Variants in SHLD1 observed in about 807,000 individuals in gnomAD.
SHLD1 encodes RINN1-REV7-interacting novel NHEJ regulator 3.
A neutral mutation model predicts 5.5 loss-of-function variants in SHLD1; 3 were observed. That is an observed-to-expected ratio of 0.54 (90% confidence interval 0.25 to 1.40). The LOEUF is 1.40. Ranked by LOEUF, SHLD1 falls within the 40% of genes most tolerant of loss-of-function variation. The probability of loss-of-function intolerance (pLI) is 0.15; values close to 1 mark genes in which losing one functional copy is unlikely to be tolerated. For synonymous variants in SHLD1, 92 were observed against 94.3 expected, an observed-to-expected ratio of 0.98 and a Z score of 0.14; for missense variants, 210 against 244.4, an observed-to-expected ratio of 0.86 and a Z score of 0.94.
rs1472050826 is a variant in SHLD1 at position 5,863,111 on chromosome 20, A to G, written c.266A>G (p.Lys89Arg). Reference protein sequence around the residue: ...LDPAVKGQSEKEEDDGLRKSL... With the variant: ...LDPAVKGQSEREEDDGLRKSL... ...CCTGCTGTGAAAGGCCAGTCAGAGAAGGAAGAGGATGATGGCCTTCGGAAA... is the reference window on the plus strand; with the variant it reads ...CCTGCTGTGAAAGGCCAGTCAGAGAGGGAAGAGGATGATGGCCTTCGGAAA... Residue 89 changes from lysine (K) to arginine (R), a missense_variant, in exon 3 of 3, where the codon AAG (lysine) becomes AGG (arginine). By Grantham distance (26) the Lys-to-Arg change is conservative. Transcript: ENST00000303142. The G allele has an allele frequency of 5.6e-6, 9 of 1,614,108 alleles. No individual in the cohort carries two copies. The highest frequency in any genetic ancestry group is 7.6e-6 in the Non-Finnish European group (9 of 1,180,038).
intron 1 of SHLD1, chr20:5,756,580 AATG>A (rs1357866933): frequency 1.3e-5 from 2 of 156,270 alleles, no homozygotes; most frequent in African/African-American, 4.8e-5. Flanking sequence ...CATAAATATG[AATG>A]ATTTTTCTGC....
intron 2 of SHLD1, among the ~76,000 whole-genome samples, chr20:5,840,402 A>G (rs1415897177): frequency 2.6e-5 from 4 of 152,176 alleles, no homozygotes; most frequent in South Asian, 2.1e-4. Flanking sequence ...TTTGTTAACT[A>G]AATGCATTTC....
At chr20:5,798,605 C>G (rs1313942782) in intron 2 of SHLD1, among the ~76,000 whole-genome samples, 1 of 130,860 alleles carries the variant, frequency 7.6e-6, no homozygotes, top group East Asian at 2.5e-4. Flanking sequence ...CCTGGCCTAA[C>G]ATTTTAGTTT....
rs1253219823 is a variant in SHLD1 at position 5,818,069 on chromosome 20, CTTTT to C, written c.179-44953_179-44950del. Among the ~76,000 whole-genome samples the C allele has an allele frequency of 3.3e-5, 5 of 151,828 alleles. No individual in the cohort carries two copies. In the East Asian group the frequency reaches 7.7e-4, roughly 23 times the overall value. ...TTTCTTTTCTTTTTCTCCTTTTTTT[CTTTT>C]TCTTTCTTTTTTTTATTTTTTTATT... On this transcript the variant is annotated intron_variant, in intron 2 of 2. Transcript: ENST00000303142.
At chr20:5,780,109 G>T (rs771942055) in intron 2 of SHLD1, among the ~76,000 whole-genome samples, 3 of 150,130 alleles carry the variant, frequency 2.0e-5, no homozygotes, top group Non-Finnish European at 2.9e-5. Context: ...CTCCCTAGTA[G>T]CTGGGATTAC....
chr20:5,863,264 A>T lies in SHLD1; in HGVS notation c.419A>T (p.Tyr140Phe), dbSNP rs2088187388. The part of the protein sequence containing the change: ...TQLRGQESQK[Y>F]ALRSFQMARV... ...CTAAGAGGCCAGGAGAGCCAAAAGT[A>T]TGCCCTCCGCAGTTTTCAAATGGCC... is the stretch of plus-strand genomic sequence containing the variant. Residue 140 changes from tyrosine (Y) to phenylalanine (F), a missense_variant, in exon 3 of 3, where the codon TAT (tyrosine) becomes TTT (phenylalanine). By Grantham distance (22) the Tyr-to-Phe change is conservative. Coordinates refer to ENST00000303142, the MANE Select transcript of SHLD1 (RefSeq NM_152504.4). The T allele has an allele frequency of 1.2e-6, 2 of 1,614,062 alleles. No individual in the cohort carries two copies. Among genetic ancestry groups the T allele is most frequent in the Non-Finnish European group, 1.7e-6 (2 of 1,180,044 alleles).
intron 2 of SHLD1, among the ~76,000 whole-genome samples, chr20:5,856,239 T>C (rs755239459): frequency 2.7e-4 from 41 of 152,212 alleles, no homozygotes; most frequent in Non-Finnish European, 6.0e-4. Flanking sequence ...GCATGTTCGA[T>C]GGCAGAGCAA....
intron 2 of SHLD1, among the ~76,000 whole-genome samples, chr20:5,807,762 C>T (rs1001655667): frequency 6.6e-6 from 1 of 152,132 alleles, no homozygotes; most frequent in Admixed American, 6.6e-5. Flanking sequence ...AGAATTTATG[C>T]TCCCTAGAAA....
intron 2 of SHLD1, among the ~76,000 whole-genome samples, chr20:5,833,155 G>C (rs1467596935): frequency 6.6e-6 from 1 of 152,104 alleles, no homozygotes; most frequent in African/African-American, 2.4e-5. Context: ...TCCTAAAATA[G>C]ACTCCTCGGC....
At chr20:5,859,049 C>T (rs1023336592) in intron 2 of SHLD1, among the ~76,000 whole-genome samples, 10 of 152,080 alleles carry the variant, frequency 6.6e-5, no homozygotes, top group African/African-American at 2.2e-4. Flanking sequence ...GGACCAGGGC[C>T]AATGGTTTTC....
chr20:5,792,677 T>A (rs1327111826), intron 2 of SHLD1, among the ~76,000 whole-genome samples: 5 of 134,214 alleles, frequency 3.7e-5, no homozygotes, highest in African/African-American at 1.1e-4. Flanking sequence ...TTTTCTTTTT[T>A]TTAAAAAAAA....
At chr20:5,802,791 T>C (rs554977859) in intron 2 of SHLD1, among the ~76,000 whole-genome samples, 1 of 152,184 alleles carries the variant, frequency 6.6e-6, no homozygotes, top group East Asian at 1.9e-4. Flanking sequence ...GGACTACACA[T>C]GTGCGCCACG....
chr20:5,753,010 G>C (rs1160763908), intron 1 of SHLD1, among the ~76,000 whole-genome samples: 3 of 152,076 alleles, frequency 2.0e-5, no homozygotes, highest in Non-Finnish European at 4.4e-5. Flanking sequence ...TGTTGGTCAG[G>C]CTGGTCTCAA....
At chr20:5,856,478 G>A (rs992521212) in intron 2 of SHLD1, among the ~76,000 whole-genome samples, 18 of 152,050 alleles carry the variant, frequency 1.2e-4, no homozygotes, top group African/African-American at 4.4e-4. Context: ...GGGGGTAGAA[G>A]AAGGAATGAA....
intron 2 of SHLD1, among the ~76,000 whole-genome samples, chr20:5,856,865 C>T (rs551343755): frequency 1.4e-4 from 21 of 152,316 alleles, no homozygotes; most frequent in East Asian, 3.9e-4. Flanking sequence ...CAAAAAGTTA[C>T]GTAATTTAAG....
chr20:5,756,289 A>C (rs1348655024), intron 1 of SHLD1, among the ~76,000 whole-genome samples: 2 of 145,014 alleles, frequency 1.4e-5, no homozygotes, highest in African/African-American at 5.0e-5. Flanking sequence ...CCATCTTTAC[A>C]AAAAAAAAAA....
At chr20:5,790,656 G>T (rs1160712689) in intron 2 of SHLD1, among the ~76,000 whole-genome samples, 4 of 151,924 alleles carry the variant, frequency 2.6e-5, no homozygotes, top group Non-Finnish European at 4.4e-5. Context: ...GTTTCACCGT[G>T]TTGGCCAGGC....
intron 2 of SHLD1, among the ~76,000 whole-genome samples, chr20:5,776,009 C>T (rs1985412176): frequency 6.9e-6 from 1 of 143,956 alleles, no homozygotes; most frequent in African/African-American, 2.6e-5. Flanking sequence ...CTCACTGCAA[C>T]CTCCACCTCC....
chr20:5,810,625 G>T (rs2087445802), intron 2 of SHLD1, among the ~76,000 whole-genome samples: 1 of 152,020 alleles, frequency 6.6e-6, no homozygotes, highest in African/African-American at 2.4e-5. Flanking sequence ...CTGGCATGAT[G>T]GCTCACGCCT....
Sources: allele counts gnomAD v4.1 joint callset (sites outside exome capture counted in the v4.1 genomes callset), GRCh38; gene constraint gnomAD v4.1.1; transcripts MANE v1.5; gene names NCBI Gene and HGNC (gene_info 2026-07-23, HGNC 2026-07-21).